DPP6: variants seen among roughly 807,000 people sequenced by gnomAD.
DPP6 encodes the protein dipeptidyl peptidase like 6.
A neutral mutation model predicts 122.6 loss-of-function variants in DPP6; 69 were observed. That is an observed-to-expected ratio of 0.56 (90% CI 0.46 to 0.69). DPP6 has a LOEUF of 0.69. Among genes scored for constraint, DPP6 ranks in the 30% least tolerant of loss-of-function variants. The probability of loss-of-function intolerance (pLI) is 0.00; values close to 1 mark genes in which losing one functional copy is unlikely to be tolerated. For synonymous variants in DPP6, 418 were observed against 433.1 expected (o/e 0.97, Z 0.43); for missense variants, 928 against 1,116.9 (o/e 0.83, Z 2.41).
At chr7:153,976,484 C>G (rs896983499) in intron 1 of DPP6, among the ~76,000 whole-genome samples, 1 of 152,162 alleles carries the variant, frequency 6.6e-6, no homozygotes, top group African/African-American at 2.4e-5. Flanking sequence ...CAGAAGTCAT[C>G]ATGAAGATAT....
rs200542786 is a variant in DPP6, at chr7:154,013,461, T to TTC, written c.51+125728_51+125729insCT. 3.5e-3 allele frequency among the ~76,000 whole-genome samples: 471 copies of TTC among 136,024 alleles called. 5 individuals are homozygous for TTC. Among genetic ancestry groups the TTC allele is most frequent in the African/African-American group, 0.015 (453 of 30,350 alleles). 89.2% of individuals were successfully genotyped at this position (136,024 alleles called of 152,430 possible). ...AGAGAAACCTCAGGTTTCTTTTCTT[T>TTC]TTTTTTTTTTTTTAACAAATTCAGG... On this transcript the variant is annotated intron_variant, in intron 1 of 25. Transcript: ENST00000404039.
intron 1 of DPP6, among the ~76,000 whole-genome samples, chr7:153,952,045 AAAAG>A (rs1177112722): frequency 4.6e-5 from 7 of 152,172 alleles, no homozygotes; most frequent in East Asian, 1.9e-4. Context: ...TCTGTCTCAA[AAAAG>A]AAAGAAAGAA....
chr7:154,136,544 C>T (rs1202605562), intron 1 of DPP6, among the ~76,000 whole-genome samples: 1 of 152,202 alleles, frequency 6.6e-6, no homozygotes, highest in Non-Finnish European at 1.5e-5. Flanking sequence ...GTTGTCAATA[C>T]ATTTTCAGAC....
chr7:153,964,650 C>T (rs1009085363), intron 1 of DPP6, among the ~76,000 whole-genome samples: 18 of 152,250 alleles, frequency 1.2e-4, no homozygotes, highest in East Asian at 1.2e-3. Flanking sequence ...GTTGGGCCAC[C>T]GGCGCCAACA....
chr7:154,466,072 G>A (rs903356618), intron 2 of DPP6, among the ~76,000 whole-genome samples: 1 of 152,142 alleles, frequency 6.6e-6, no homozygotes, highest in African/African-American at 2.4e-5. Context: ...GGATGAAGCT[G>A]TAAACTATCA....
rs4960583 is a variant in DPP6 at position 154,664,162 on chromosome 7, G to T, written c.681-5198G>T. ...TGGCCGTAGTGTTCATATAGTCATGGTGAATCACTATGGCATATTGGCGCT... is the reference window on the plus strand; with the variant it reads ...TGGCCGTAGTGTTCATATAGTCATGTTGAATCACTATGGCATATTGGCGCT... On this transcript the variant is annotated intron_variant, in intron 6 of 25. Transcript: ENST00000377770. Among the ~76,000 whole-genome samples the T allele has an allele frequency of 2.0e-5, 3 of 148,400 alleles. 1 individual carries two copies. Among genetic ancestry groups the T allele is most frequent in the African/African-American group, 7.3e-5 (3 of 40,890 alleles).
At chr7:154,382,158 C>A (rs1452411622) in intron 1 of DPP6, among the ~76,000 whole-genome samples, 2 of 147,522 alleles carry the variant, frequency 1.4e-5, no homozygotes. Flanking sequence ...GGTTTGCTTG[C>A]GAGTGACTCC....
chr7:154,001,317 A>T (rs1797676771), intron 1 of DPP6, among the ~76,000 whole-genome samples: 1 of 148,318 alleles, frequency 6.7e-6, no homozygotes, highest in African/African-American at 2.5e-5. Flanking sequence ...TTCATGCCCT[A>T]ATCAATAGCC....
chr7:154,083,396 C>T (rs7357098), intron 1 of DPP6, among the ~76,000 whole-genome samples: 3 of 151,928 alleles, frequency 2.0e-5, no homozygotes, highest in African/African-American at 7.3e-5. Flanking sequence ...CTTCAGGTAC[C>T]AGGAAGTGAA....
At chr7:154,446,725 A>G (rs1296511621) in intron 2 of DPP6, among the ~76,000 whole-genome samples, 1 of 152,260 alleles carries the variant, frequency 6.6e-6, no homozygotes, top group Non-Finnish European at 1.5e-5. Flanking sequence ...GGTGCTAAAT[A>G]GGTACTACTG....
chr7:154,183,184 G>A (rs1220754223), intron 1 of DPP6, among the ~76,000 whole-genome samples: 1 of 152,106 alleles, frequency 6.6e-6, no homozygotes, highest in Non-Finnish European at 1.5e-5. Context: ...TTGGTTTCAT[G>A]AAGCTGATTT....
intron 1 of DPP6, among the ~76,000 whole-genome samples, chr7:154,128,226 A>G (rs1808079052): frequency 6.6e-6 from 1 of 151,220 alleles, no homozygotes; most frequent in Non-Finnish European, 1.5e-5. Context: ...CCTGTGGACT[A>G]TGGCTATTGG....
At chr7:154,058,525 G>C (rs1801141465) in intron 1 of DPP6, 1 of 121,384 alleles carries the variant, frequency 8.2e-6, no homozygotes, top group African/African-American at 3.2e-5. Flanking sequence ...GCCAACCCCT[G>C]GTTCCCCCAC....
At chr7:154,373,586 T>C (rs1812859862) in intron 1 of DPP6, among the ~76,000 whole-genome samples, 1 of 152,200 alleles carries the variant, frequency 6.6e-6, no homozygotes, top group Non-Finnish European at 1.5e-5. Flanking sequence ...ATTTTTGCAT[T>C]TATTTCTGCA....
At position 154,481,346 on chromosome 7, in the gene DPP6, G is replaced by GTGTGTGTGT. The variant is rs58430009; in HGVS notation, c.457+6309_457+6310insTGTGTGTGT. On this transcript the variant is annotated intron_variant, in intron 3 of 25. Transcript: ENST00000377770. This position sits in a 1 kb window ranked among gnomAD's most constrained non-coding sequence, Gnocchi z 4.2. ...ATACACTTGGAGAGAGAGAGAGAGG[G>GTGTGTGTGT]GTGTGTGTGTGTGTGTGTGTGTGTG... Among the ~76,000 whole-genome samples the GTGTGTGTGT allele has an allele frequency of 8.5e-3, 1,263 of 148,042 alleles. 19 individuals are homozygous for GTGTGTGTGT. The highest frequency in any genetic ancestry group is 0.021 in the African/African-American group (846 of 39,752).
At chr7:153,814,198 T>G in the DPP6 span, among the ~76,000 whole-genome samples, 1 of 151,740 alleles carries the variant, frequency 6.6e-6, no homozygotes, top group African/African-American at 2.4e-5. Flanking sequence ...ACAAAATTGA[T>G]AGACCACTAG....
the DPP6 span, among the ~76,000 whole-genome samples, chr7:153,835,397 G>GAA: frequency 1.4e-5 from 2 of 142,182 alleles, no homozygotes; most frequent in African/African-American, 5.1e-5. Context: ...TGACTGTGTG[G>GAA]AAAAAAAAAA....
intron 7 of DPP6, among the ~76,000 whole-genome samples, chr7:154,702,672 G>A (rs1326363906): frequency 6.6e-6 from 1 of 152,228 alleles, no homozygotes; most frequent in Admixed American, 6.5e-5. Context: ...AAAGTTGGAA[G>A]CTAACAGAGG....
chr7:154,095,527 A>C (rs947507009), intron 1 of DPP6: 2 of 140,956 alleles, frequency 1.4e-5, no homozygotes, highest in African/African-American at 5.1e-5. Flanking sequence ...CTAAAGCAGC[A>C]CCAGTCCTAA....
Sources: allele counts gnomAD v4.1 joint callset (sites outside exome capture counted in the v4.1 genomes callset), GRCh38; gene constraint gnomAD v4.1.1; non-coding constraint Gnocchi (gnomAD v3.1); transcripts MANE v1.5; gene names NCBI Gene and HGNC (gene_info 2026-07-23, HGNC 2026-07-21).